The following ZBTB37 variants were observed in gnomAD, a reference collection of about 807,000 sequenced individuals.
ZBTB37 encodes zinc finger and BTB domain containing 37, also known as zinc finger and BTB domain-containing protein 37.
ZBTB37 carries 15 observed loss-of-function variants against 37.7 expected under a neutral mutation model. The observed-to-expected ratio is 0.40, with a 90% confidence interval of 0.27 to 0.61. ZBTB37 has a LOEUF of 0.61. ZBTB37 is among the 20% of genes least tolerant of loss of function. ZBTB37 has a pLI of 0.44. For synonymous variants in ZBTB37, 231 were observed against 220.6 expected (o/e 1.05, Z -0.42); for missense variants, 514 against 641.9 (o/e 0.80, Z 2.15).
Position 173,885,209 on chromosome 1 carries a change from T to TGAGTGAG in ZBTB37, c.1024-426_1024-420dup, listed in dbSNP as rs1242710967. Among the ~76,000 whole-genome samples, 3 of 152,304 alleles carry TGAGTGAG rather than the reference T, an allele frequency of 2.0e-5. No homozygotes were observed. The South Asian group carries it at 6.2e-4, about 32-fold the overall frequency. On this transcript the variant is annotated intron_variant, in intron 4 of 4. Coordinates refer to ENST00000427304, the Ensembl canonical transcript of ZBTB37. The stretch of plus-strand genomic sequence containing the variant: ...GTGATCACACCACTGCACTCCAGCC[T>TGAGTGAG]GAGTGAGAGACCCTGTCTCAAAACA...
chr1:173,882,443 T>C (rs1436550876), intron 4 of ZBTB37, among the ~76,000 whole-genome samples: 3 of 151,978 alleles, frequency 2.0e-5, no homozygotes, highest in East Asian at 1.9e-4. Context: ...GGTTTCACCA[T>C]ATTAGCCAGG....
intron 3 of ZBTB37, among the ~76,000 whole-genome samples, chr1:173,872,717 T>C (rs1465552346): frequency 6.6e-6 from 1 of 151,850 alleles, no homozygotes; most frequent in East Asian, 1.9e-4. Context: ...CTATCAGAAG[T>C]AATATCAGGG....
intron 3 of ZBTB37, among the ~76,000 whole-genome samples, chr1:173,871,763 CT>C (rs1359415389): frequency 1.3e-5 from 2 of 152,136 alleles, no homozygotes; most frequent in Non-Finnish European, 2.9e-5. Context: ...GACAATCTCC[CT>C]TTTTTTCACC....
exon 3 of ZBTB37, chr1:173,870,939 A>T: frequency 1.2e-6 from 2 of 1,614,184 alleles, no homozygotes; most frequent in Non-Finnish European, 1.7e-6. Flanking sequence ...ATGAAGTTAG[A>T]GTTCTTGGAG....
intron 3 of ZBTB37, among the ~76,000 whole-genome samples, chr1:173,871,786 G>A (rs1340471871): frequency 6.6e-6 from 1 of 151,814 alleles, no homozygotes; most frequent in African/African-American, 2.4e-5. Flanking sequence ...GTGCTGCTAT[G>A]CCCCATGCCT....
exon 3 of ZBTB37, chr1:173,870,275 C>G: frequency 6.2e-7 from 1 of 1,614,192 alleles, no homozygotes; most frequent in Non-Finnish European, 8.5e-7. Context: ...TTCAGCAACT[C>G]TGTCCTGAGC....
intron 4 of ZBTB37, among the ~76,000 whole-genome samples, chr1:173,878,541 C>A (rs1174055735): frequency 1.3e-5 from 2 of 152,196 alleles, no homozygotes; most frequent in South Asian, 2.1e-4. Flanking sequence ...GTGATGGGGT[C>A]ACCAATGCCC....
exon 4 of ZBTB37, chr1:173,894,815 G>GTT (rs1349640446): frequency 6.6e-6 from 1 of 152,100 alleles, no homozygotes; most frequent in Admixed American, 6.6e-5. Flanking sequence ...GTTTTGTTTT[G>GTT]TTTTTTGTCT....
At chr1:173,894,046 T>A (rs1656950240) in exon 4 of ZBTB37, 1 of 152,234 alleles carries the variant, frequency 6.6e-6, no homozygotes, top group Non-Finnish European at 1.5e-5. Flanking sequence ...TGTGAATGTG[T>A]AATTCAAGAG....
At chr1:173,886,166 C>T in exon 5 of ZBTB37, 2 of 1,512,872 alleles carry the variant, frequency 1.3e-6, no homozygotes, top group Non-Finnish European at 1.8e-6. Context: ...CCCTATGAGC[C>T]ATAAGCAGCC....
chr1:173,885,677 G>A (rs1263711461), exon 5 of ZBTB37: 2 of 1,552,156 alleles, frequency 1.3e-6, no homozygotes, highest in African/African-American at 1.4e-5. Context: ...GCTATGTGGA[G>A]TATCTCCGAG....
chr1:173,899,359 C>T (rs936773789), exon 4 of ZBTB37: 3 of 152,184 alleles, frequency 2.0e-5, no homozygotes, highest in African/African-American at 7.2e-5. Flanking sequence ...TGCTATAACA[C>T]ATACTTAAGG....
chr1:173,893,607 T>A (rs1656935660), exon 4 of ZBTB37: 1 of 152,226 alleles, frequency 6.6e-6, no homozygotes, highest in African/African-American at 2.4e-5. Flanking sequence ...ATTAAGTGCT[T>A]TATCGTCATA....
At chr1:173,879,400 C>G (rs1166054618) in intron 4 of ZBTB37, among the ~76,000 whole-genome samples, 1 of 151,992 alleles carries the variant, frequency 6.6e-6, no homozygotes, top group African/African-American at 2.4e-5. Context: ...TGTAGGTTTT[C>G]TTTTGGGGGT....
downstream of ZBTB37, chr1:173,890,665 C>A: frequency 6.6e-6 from 1 of 152,286 alleles, no homozygotes; most frequent in Non-Finnish European, 1.5e-5. Context: ...GCAAAATATA[C>A]CCTTAGGACT....
At chr1:173,895,252 T>G (rs1374939854) in exon 4 of ZBTB37, 2 of 152,194 alleles carry the variant, frequency 1.3e-5, no homozygotes, top group African/African-American at 4.8e-5. Flanking sequence ...TCCAGACGTG[T>G]GCCACTACAC....
exon 3 of ZBTB37, chr1:173,871,131 A>G (rs771949372): frequency 6.2e-7 from 1 of 1,603,938 alleles, no homozygotes; most frequent in South Asian, 1.1e-5. Context: ...CTCGGCCAAC[A>G]AGCAGTGAAG....
exon 4 of ZBTB37, chr1:173,895,726 G>A (rs1298104448): frequency 6.6e-6 from 1 of 152,176 alleles, no homozygotes; most frequent in Non-Finnish European, 1.5e-5. Flanking sequence ...AAAATTGGCA[G>A]TTGTTACCAG....
At chr1:173,877,096 T>C (rs1656017305) in intron 4 of ZBTB37, among the ~76,000 whole-genome samples, 1 of 152,172 alleles carries the variant, frequency 6.6e-6, no homozygotes, top group South Asian at 2.1e-4. Flanking sequence ...GAAACGATAG[T>C]GTAAAAATAT....
Sources: gnomAD v4.1 joint callset for allele counts (sites outside exome capture counted in the v4.1 genomes callset) on GRCh38, gnomAD v4.1.1 for gene constraint, MANE v1.5 for transcripts, NCBI Gene and HGNC (gene_info 2026-07-23, HGNC 2026-07-21) for gene names.